The following MED12L variants were observed in gnomAD, a reference collection of about 807,000 sequenced individuals.
MED12L encodes mediator complex subunit 12L.
In MED12L, 60 loss-of-function variants were observed where a neutral mutation model predicts 281.3. That is an observed-to-expected ratio of 0.21 (90% confidence interval 0.17 to 0.26). The LOEUF (loss-of-function observed/expected upper bound fraction) is 0.26, where lower values mean the gene tolerates loss of function less well. Among genes scored for constraint, MED12L ranks in the 10% least tolerant of loss-of-function variants. The pLI is 1.00. For missense variants in MED12L, 2,146 were observed against 2,680.9 expected (o/e 0.80, Z 4.41); for synonymous variants, 974 against 987.2 (o/e 0.99, Z 0.25).
At chr3:151,102,587 A>G (rs116191670) in intron 2 of MED12L, among the ~76,000 whole-genome samples, 228 of 152,136 alleles carry the variant, frequency 1.5e-3, no homozygotes, top group African/African-American at 5.2e-3. Context: ...GGCTCAAGCA[A>G]TCCTTCCATC....
Position 151,338,358 on chromosome 3 carries a change from G to A in MED12L, c.2251-11701G>A, listed in dbSNP as rs566389626. 40 of 1,614,086 alleles carry A rather than the reference G, an allele frequency of 2.5e-5. No individual in the cohort carries two copies. The South Asian group carries it at 2.9e-4, about 12-fold the overall frequency. On this transcript the variant is annotated intron_variant, in intron 16 of 44. Transcript: ENST00000687756. ...ATTCTTGTCTCTCGGCTGCCTGTTG[G>A]TCAGAATCATGTTAGGCAAAGAGAG... is the stretch of plus-strand genomic sequence containing the variant.
At chr3:151,261,945 T>C (rs533173246) in intron 16 of MED12L, among the ~76,000 whole-genome samples, 9 of 152,268 alleles carry the variant, frequency 5.9e-5, no homozygotes, top group Non-Finnish European at 1.0e-4. Context: ...CAGGCTGGTC[T>C]TGAACTCCTG....
Position 151,338,036 on chromosome 3 carries a change from G to A in MED12L, c.2251-12023G>A, listed in dbSNP as rs550299677. On this transcript the variant is annotated intron_variant, in intron 16 of 44. Transcript: ENST00000687756. ...CATAGAACAGAGTATTTTCAGCAGT[G>A]CAGTCAAAGACATCCCGGGTTTGGC... The A allele has an allele frequency of 3.1e-6, 5 of 1,614,110 alleles. No individual in the cohort carries two copies. The South Asian group carries it at 4.4e-5, about 14-fold the overall frequency.
intron 16 of MED12L, among the ~76,000 whole-genome samples, chr3:151,229,838 C>T (rs933513606): frequency 5.9e-5 from 9 of 152,168 alleles, no homozygotes; most frequent in Non-Finnish European, 1.0e-4. Flanking sequence ...GTATTAGTTG[C>T]AAACTTAGTA....
chr3:151,192,458 A>T (rs1192041181), intron 14 of MED12L, 92 bp from the exon 15 acceptor site: 1 of 902,018 alleles, frequency 1.1e-6, no homozygotes, highest in Non-Finnish European at 1.7e-6. Context: ...AAAGACAGAG[A>T]TGGTTAAAAA....
At chr3:151,324,377 C>G (rs1270025383) in intron 16 of MED12L, among the ~76,000 whole-genome samples, 1 of 151,962 alleles carries the variant, frequency 6.6e-6, no homozygotes, top group Non-Finnish European at 1.5e-5. Flanking sequence ...CACACAGAAA[C>G]GTATCGTTTT....
At chr3:151,250,731 G>A (rs1044452377) in intron 16 of MED12L, among the ~76,000 whole-genome samples, 2 of 152,140 alleles carry the variant, frequency 1.3e-5, no homozygotes, top group African/African-American at 4.8e-5. Context: ...ATGAAAGTGG[G>A]TATACAAATA....
At chr3:151,127,614 G>T (rs1034981646) in intron 4 of MED12L, among the ~76,000 whole-genome samples, 1 of 152,020 alleles carries the variant, frequency 6.6e-6, no homozygotes, top group African/African-American at 2.4e-5. Flanking sequence ...ACCTAGTTTT[G>T]ATTATTTTTT....
At chr3:151,091,926 T>C (rs926598086) in intron 2 of MED12L, among the ~76,000 whole-genome samples, 1 of 152,172 alleles carries the variant, frequency 6.6e-6, no homozygotes, top group African/African-American at 2.4e-5. Context: ...TGAGCTAATG[T>C]ATGCAAAGTG....
At chr3:151,137,399 G>A (rs180964060) in intron 5 of MED12L, among the ~76,000 whole-genome samples, 12 of 152,176 alleles carry the variant, frequency 7.9e-5, no homozygotes, top group Admixed American at 2.6e-4. Context: ...TGTCCCAGGC[G>A]CTTGTAATTT....
intron 2 of MED12L, among the ~76,000 whole-genome samples, chr3:151,095,760 G>A (rs1720632021): frequency 6.6e-6 from 1 of 151,950 alleles, no homozygotes; most frequent in African/African-American, 2.4e-5. Flanking sequence ...CCAGATCCTA[G>A]CAAGGCTCAG....
intron 43 of MED12L, chr3:151,425,627 G>A (rs545316277): frequency 2.2e-6 from 1 of 456,282 alleles, no homozygotes; most frequent in African/African-American, 2.0e-5. Flanking sequence ...CTGGAGAAGT[G>A]GTTATACCAT....
chr3:151,130,311 T>C (rs1715190444), intron 5 of MED12L, among the ~76,000 whole-genome samples: 1 of 152,202 alleles, frequency 6.6e-6, no homozygotes, highest in East Asian at 1.9e-4. Flanking sequence ...CTGGTATTTA[T>C]CTTTCTCTCA....
chr3:151,341,566 C>CTTT, intron 16 of MED12L, among the ~76,000 whole-genome samples: 1 of 148,450 alleles, frequency 6.7e-6, no homozygotes, highest in East Asian at 2.0e-4. Context: ...GCTGCTTTAA[C>CTTT]TTTTTTTTTT....
At chr3:151,158,616 C>T (rs2148947808) in intron 6 of MED12L, 73 bp from the exon 7 acceptor site, 1 of 894,958 alleles carries the variant, frequency 1.1e-6, no homozygotes, top group South Asian at 1.5e-5. Flanking sequence ...TAGACTTAAG[C>T]ATAAGAATGA....
At chr3:151,265,990 T>A (rs2149521939) in intron 16 of MED12L, among the ~76,000 whole-genome samples, 1 of 152,328 alleles carries the variant, frequency 6.6e-6, no homozygotes, top group South Asian at 2.1e-4. Flanking sequence ...ATTTAATTGT[T>A]GTCTGTGCCT....
At position 151,213,873 on chromosome 3, in the gene MED12L, G is replaced by A. The variant is rs754325649; in HGVS notation, c.2250+20207G>A. ...TATTTGGAACAGCAAGGAGGAGCAT[G>A]AGCATCCATACTATCACTGACAGAA... On this transcript the variant is annotated intron_variant, in intron 16 of 44. Transcript: ENST00000687756. 12 of 1,613,776 alleles carry A rather than the reference G, an allele frequency of 7.4e-6. No individual in the cohort carries two copies. The South Asian group carries it at 1.3e-4, about 18-fold the overall frequency.
chr3:151,329,678 A>C lies in MED12L; in HGVS notation c.2251-20381A>C, dbSNP rs182589000. The C allele has an allele frequency of 1.5e-3, 777 of 506,094 alleles. 1 individual carries two copies. Among genetic ancestry groups the C allele is most frequent in the Non-Finnish European group, 2.0e-3 (565 of 277,524 alleles). 31.4% of individuals were successfully genotyped at this position (506,094 alleles called of 1,614,324 possible). A position where few individuals can be genotyped will look rare whatever the true frequency, so the allele number is the denominator to read the frequency against. On this transcript the variant is annotated intron_variant, in intron 16 of 44. Transcript: ENST00000687756. The stretch of plus-strand genomic sequence containing the variant: ...TTTGCTAATACTCTATTTTAGTTCA[A>C]ACTTTCATACTGTTAATCTGTGACT...
rs995071436 is a variant in MED12L at position 151,416,397 on chromosome 3, A to G, written c.6383A>G (p.Gln2128Arg). ...TCCCAGAGTCAGACCCTTGGTCTCCAAGCAATGCAGCCCCAGCAGCCCTTG... is the reference window on the plus strand; with the variant it reads ...TCCCAGAGTCAGACCCTTGGTCTCCGAGCAATGCAGCCCCAGCAGCCCTTG... ...SQSQSQTLGLQAMQPQQPLFP... is the reference protein window; with the variant it reads ...SQSQSQTLGLRAMQPQQPLFP... Residue 2128 changes from glutamine (Q) to arginine (R), a missense_variant, in exon 43 of 45, where the codon CAA becomes CGA. Gln to Arg is a conservative substitution (Grantham distance 43, BLOSUM62 1). Around this residue, in one of 9 missense-constraint regions of MED12L, gnomAD observed 496 missense variants for 512.0 expected, o/e 0.97. Coordinates refer to ENST00000687756, the MANE Select transcript of MED12L (RefSeq NM_001393769.1). 8.1e-6 allele frequency: 13 copies of G among 1,613,102 alleles called. No homozygotes were observed. Among genetic ancestry groups the G allele is most frequent in the Non-Finnish European group, 1.1e-5 (13 of 1,179,536 alleles).
Sources: allele counts gnomAD v4.1 joint callset (sites outside exome capture counted in the v4.1 genomes callset), GRCh38; gene constraint gnomAD v4.1.1; regional missense constraint gnomAD v4.1.1; transcripts MANE v1.5; gene names NCBI Gene and HGNC (gene_info 2026-07-23, HGNC 2026-07-21).